The following PRH2 variants were observed in gnomAD, a reference collection of about 807,000 sequenced individuals.
PRH2 encodes the protein proline rich protein HaeIII subfamily 2, also known as salivary acidic proline-rich phosphoprotein 1/2.
PRH2 carries 19 observed loss-of-function variants against 22.6 expected under a neutral mutation model. The ratio of observed to expected loss-of-function variants is 0.84; its 90% CI spans 0.59 to 1.23. The LOEUF is 1.23. Among genes scored for constraint, PRH2 ranks in the 50% most tolerant of loss-of-function variants. The probability of loss-of-function intolerance (pLI) is 0.00; values close to 1 mark genes in which losing one functional copy is unlikely to be tolerated. For missense variants in PRH2, 109 were observed against 203.0 expected (o/e 0.54, Z 2.81); for synonymous variants, 45 against 72.0 (o/e 0.63, Z 1.90).
intron 1 of PRH2, among the ~76,000 whole-genome samples, chr12:10,929,754 C>G (rs1211175989): frequency 1.3e-5 from 2 of 152,140 alleles, no homozygotes; most frequent in Non-Finnish European, 2.9e-5. Flanking sequence ...ATTGCTGAGG[C>G]AGAGAATTGG....
intron 3 of PRH2, 149 bp from the exon 4 acceptor site, chr12:10,932,077 C>G (rs1401700928): frequency 1.2e-5 from 3 of 255,756 alleles, no homozygotes; most frequent in Non-Finnish European, 2.6e-5. Context: ...AAAGTGTGAA[C>G]AAAGAAAATG....
rs756838466 is a variant in PRH2, at chr12:10,929,339, T to G, written c.64+2T>G. On this transcript the variant is annotated splice_donor_variant, in intron 1 of 3. Coordinates refer to ENST00000396400, the MANE Select transcript of PRH2 (RefSeq NM_001110213.1). LOFTEE classifies it high-confidence loss of function. ...GCTCAGCTCAGGACTTAGATGAAGG[T>G]AAGCCGAATTGGGGGAAGATATTGT... 1.2e-6 allele frequency: 2 copies of G among 1,613,960 alleles called. No individual in the cohort carries two copies. Among genetic ancestry groups the G allele is most frequent in the Non-Finnish European group, 1.7e-6 (2 of 1,180,024 alleles).
In PRH2 at chr12:10,934,710, T is replaced by A. The variant is rs2135876748; in HGVS notation, c.*2503T>A. ...ATAGCTTTTTTCACAAAAAGATTAT[T>A]TTGCCCCAGACAGCTATCTGCATTC... On this transcript the variant is annotated 3_prime_UTR_variant, in exon 4 of 4. Coordinates refer to ENST00000396400, the MANE Select transcript of PRH2 (RefSeq NM_001110213.1). Among the ~76,000 whole-genome samples, 1 of 152,270 alleles carries A rather than the reference T, an allele frequency of 6.6e-6. No individual in the cohort carries two copies. Among genetic ancestry groups the A allele is most frequent in the East Asian group, 1.9e-4 (1 of 5,192 alleles).
At chr12:10,931,864 C>T (rs1349689309) in intron 3 of PRH2, among the ~76,000 whole-genome samples, 6 of 151,538 alleles carry the variant, frequency 4.0e-5, no homozygotes, top group South Asian at 2.1e-4. Flanking sequence ...TTGGTTTTTC[C>T]ATAATTTACT....
rs193057841 is a variant in PRH2, at chr12:10,929,467, A to G, written c.64+130A>G. The G allele has an allele frequency of 3.6e-6, 4 of 1,117,088 alleles. No individual in the cohort carries two copies. In the East Asian group the frequency reaches 9.9e-5, roughly 28 times the overall value. 69.2% of individuals were successfully genotyped at this position (1,117,088 alleles called of 1,614,324 possible). A position where few individuals can be genotyped will look rare whatever the true frequency, so the allele number is the denominator to read the frequency against. On this transcript the variant is annotated intron_variant, in intron 1 of 3. Transcript: ENST00000396400. Reference sequence around the variant, plus strand: ...GGACTGAAGAGTTCTCATGCCAAGGATCAGAAGACCTGTTGTGCCTTCATT... The same window carrying G: ...GGACTGAAGAGTTCTCATGCCAAGGGTCAGAAGACCTGTTGTGCCTTCATT...
rs575554682 is a variant in PRH2, at chr12:10,932,268, A to C, written c.*61A>C. ...GACAGTGTTTCAAATGCCTTGAAACATAATGTGATCATGCTCTAACTTCAA... is the reference window on the plus strand; with the variant it reads ...GACAGTGTTTCAAATGCCTTGAAACCTAATGTGATCATGCTCTAACTTCAA... On this transcript the variant is annotated 3_prime_UTR_variant, in exon 4 of 4. Coordinates refer to ENST00000396400, the MANE Select transcript of PRH2 (RefSeq NM_001110213.1). 1.4e-5 allele frequency: 6 copies of C among 424,538 alleles called. No individual in the cohort carries two copies. The highest frequency in any genetic ancestry group is 7.4e-4 in the Middle Eastern group (2 of 2,704). The allele number at this position is 424,538 out of a possible 1,614,324, so 26.3% of individuals were successfully genotyped here.
rs1950231984 is a variant in PRH2 at position 10,932,731 on chromosome 12, A to C, written c.*524A>C. 6.6e-6 allele frequency among the ~76,000 whole-genome samples: 1 copy of C among 152,154 alleles called. No individual in the cohort carries two copies. Among genetic ancestry groups the C allele is most frequent in the Non-Finnish European group, 1.5e-5 (1 of 68,004 alleles). On this transcript the variant is annotated 3_prime_UTR_variant, in exon 4 of 4. Coordinates refer to ENST00000396400, the MANE Select transcript of PRH2 (RefSeq NM_001110213.1). ...ATTTTCCCCTATTTTATCACTGATC[A>C]GTTCTGTCCCTGCCTATGATTCTTA...
In PRH2 at chr12:10,933,408, G is replaced by T. The variant is rs1453602418; in HGVS notation, c.*1201G>T. Among the ~76,000 whole-genome samples the T allele has an allele frequency of 6.6e-6, 1 of 151,842 alleles. No individual in the cohort carries two copies. The highest frequency in any genetic ancestry group is 1.5e-5 in the Non-Finnish European group (1 of 67,862). On this transcript the variant is annotated 3_prime_UTR_variant, in exon 4 of 4. Transcript: ENST00000396400. The stretch of plus-strand genomic sequence containing the variant: ...GCTGATTTATACAAAATGCTGAAAA[G>T]AAGAGAAATACCCCAAGTTCTTGAA...
rs1438472959 is a variant in PRH2, at chr12:10,932,701, G to T, written c.*494G>T. ...TGCCTGTATTCCCCAGAAGCCACTA[G>T]ACCTATTTTCCCCTATTTTATCACT... On this transcript the variant is annotated 3_prime_UTR_variant, in exon 4 of 4. Transcript: ENST00000396400. 4.6e-5 allele frequency among the ~76,000 whole-genome samples: 7 copies of T among 152,132 alleles called. No homozygotes were observed. The East Asian group carries it at 1.4e-3, about 29-fold the overall frequency.
rs117307622 is a variant in PRH2, at chr12:10,933,946, C to G, written c.*1739C>G. Among the ~76,000 whole-genome samples, 2,291 of 151,952 alleles carry G rather than the reference C, an allele frequency of 0.015. 21 individuals carry two copies. The highest frequency in any genetic ancestry group is 0.031 in the South Asian group (151 of 4,822). On this transcript the variant is annotated 3_prime_UTR_variant, in exon 4 of 4. Transcript: ENST00000396400. ...ATCTGTTTTTCTGTCCAGAAAATAA[C>G]AAGAGATTCTACTCAGGTAAAAAAG...
At position 10,929,407 on chromosome 12, in the gene PRH2, A is replaced by G. The variant is rs188296239; in HGVS notation, c.64+70A>G. On this transcript the variant is annotated intron_variant, in intron 1 of 3. Transcript: ENST00000396400. ...ACGGGCGAATGCTATAGAGGGGGAA[A>G]GTGGAGGGAAGAGAGGAGGATGAGA... The G allele has an allele frequency of 2.3e-4, 367 of 1,582,568 alleles. 5 individuals are homozygous for G. The East Asian group carries it at 6.0e-3, about 26-fold the overall frequency.
intron 1 of PRH2, among the ~76,000 whole-genome samples, 197 bp downstream of exon 1, chr12:10,929,534 C>G (rs184850037): frequency 6.6e-6 from 1 of 152,068 alleles, no homozygotes; most frequent in Non-Finnish European, 1.5e-5. Flanking sequence ...ACAAATAGAA[C>G]CCAATAAAGA....
chr12:10,931,074 A>G lies in PRH2; in HGVS notation c.*12A>G, dbSNP rs768194225. On this transcript the variant is annotated 3_prime_UTR_variant, in exon 3 of 4. Transcript: ENST00000396400. ...AGTCTCCTCAGTAATCTAGGATTCA[A>G]TGATAGGTATGATTCCAGTTTATTA... 4.5e-6 allele frequency: 7 copies of G among 1,548,276 alleles called. No individual in the cohort carries two copies. Among genetic ancestry groups the G allele is most frequent in the South Asian group, 2.5e-5 (2 of 79,176 alleles).
chr12:10,929,810 T>G (rs1950177347), intron 1 of PRH2, among the ~76,000 whole-genome samples: 1 of 152,200 alleles, frequency 6.6e-6, no homozygotes. Flanking sequence ...ATCACCAGAG[T>G]GAAATATTGT....
In PRH2 at chr12:10,932,787, T is replaced by C. The variant is rs1950232659; in HGVS notation, c.*580T>C. ...CTTAAGAAAACCTGAATGGATTTCA[T>C]CAAGGCGGCAGCATAATTTGAAGGG... On this transcript the variant is annotated 3_prime_UTR_variant, in exon 4 of 4. Transcript: ENST00000396400. 1.3e-5 allele frequency among the ~76,000 whole-genome samples: 2 copies of C among 152,162 alleles called. No individual in the cohort carries two copies. The highest frequency in any genetic ancestry group is 2.9e-5 in the Non-Finnish European group (2 of 68,016).
Position 10,933,280 on chromosome 12 carries a change from T to G in PRH2, c.*1073T>G, listed in dbSNP as rs1950239649. ...TAAAAATATATTAAACTCATTATAG[T>G]AGTTAATATCTAAGTAAAATATGAT... On this transcript the variant is annotated 3_prime_UTR_variant, in exon 4 of 4. Coordinates refer to ENST00000396400, the MANE Select transcript of PRH2 (RefSeq NM_001110213.1). Among the ~76,000 whole-genome samples the G allele has an allele frequency of 6.6e-6, 1 of 152,102 alleles. No homozygotes were observed. The highest frequency in any genetic ancestry group is 6.5e-5 in the Admixed American group (1 of 15,272).
Position 10,932,427 on chromosome 12 carries a change from A to AG in PRH2, c.*221dup, listed in dbSNP as rs934039180. ...CCCCTTCTCCTTGATGTTTCCAGCA[A>AG]GCTTCTTTCCTCCTTATCCTTATTA... On this transcript the variant is annotated 3_prime_UTR_variant, in exon 4 of 4. Coordinates refer to ENST00000396400, the MANE Select transcript of PRH2 (RefSeq NM_001110213.1). 42 of 175,588 alleles carry AG rather than the reference A, an allele frequency of 2.4e-4. No homozygotes were observed. Among genetic ancestry groups the AG allele is most frequent in the Non-Finnish European group, 2.6e-4 (20 of 77,462 alleles). The allele number at this position is 175,588 out of a possible 1,614,324, so 10.9% of individuals were successfully genotyped here.
Position 10,933,949 on chromosome 12 carries a change from G to A in PRH2, c.*1742G>A, listed in dbSNP as rs1950249015. Among the ~76,000 whole-genome samples, 1 of 151,946 alleles carries A rather than the reference G, an allele frequency of 6.6e-6. No homozygotes were observed. Among genetic ancestry groups the A allele is most frequent in the African/African-American group, 2.4e-5 (1 of 41,402 alleles). On this transcript the variant is annotated 3_prime_UTR_variant, in exon 4 of 4. Coordinates refer to ENST00000396400, the MANE Select transcript of PRH2 (RefSeq NM_001110213.1). ...TGTTTTTCTGTCCAGAAAATAACAA[G>A]AGATTCTACTCAGGTAAAAAAGGAA...
chr12:10,930,530 G>A lies in PRH2; in HGVS notation c.101-132G>A, dbSNP rs1159291815. 41 of 1,511,410 alleles carry A rather than the reference G, an allele frequency of 2.7e-5. No homozygotes were observed. In the East Asian group the frequency reaches 9.0e-4, roughly 33 times the overall value. 93.6% of individuals were successfully genotyped at this position (1,511,410 alleles called of 1,614,324 possible). A position where few individuals can be genotyped will look rare whatever the true frequency, so the allele number is the denominator to read the frequency against. ...GAGGAGTTCTAATTAGGAAGCCTTG[G>A]GAAGGGGGGAGGTTGGGAGTTGAGA... On this transcript the variant is annotated intron_variant, in intron 2 of 3. Coordinates refer to ENST00000396400, the MANE Select transcript of PRH2 (RefSeq NM_001110213.1).
Sources: allele counts gnomAD v4.1 joint callset (sites outside exome capture counted in the v4.1 genomes callset), GRCh38; gene constraint gnomAD v4.1.1; transcripts MANE v1.5; gene names NCBI Gene and HGNC (gene_info 2026-07-23, HGNC 2026-07-21).